The following GRM5 variants were observed in gnomAD, a reference collection of about 807,000 sequenced individuals.
GRM5 encodes glutamate metabotropic receptor 5.
In GRM5, 19 loss-of-function variants were observed where a neutral mutation model predicts 83.1. The ratio of observed to expected loss-of-function variants is 0.23; its 90% CI spans 0.16 to 0.34. GRM5 has a LOEUF of 0.34. Ranked by LOEUF, GRM5 falls within the 10% of genes least tolerant of loss-of-function variation. GRM5 has a pLI of 1.00. For synonymous variants in GRM5, 675 were observed against 633.6 expected (o/e 1.07, Z -0.98); for missense variants, 1,160 against 1,588.3 (o/e 0.73, Z 4.58).
intron 8 of GRM5, among the ~76,000 whole-genome samples, chr11:88,560,249 G>C (rs1342465400): frequency 1.3e-5 from 2 of 152,156 alleles, no homozygotes; most frequent in African/African-American, 4.8e-5. Context: ...AAAACACTTA[G>C]ATAGTTTTTC....
rs1941845994 is a variant in GRM5, at chr11:88,525,393, C to A, written c.2642G>T (p.Arg881Met). 6.2e-7 allele frequency: 1 copy of A among 1,605,276 alleles called. No individual in the cohort carries two copies. ...TTCCGACTTGTGCTGGGCCAGTCTC[C>A]TGTCTTTGTACCTGGTGAGCATGAA... ...SSGETLRYKD[R>M]RLAQHKSEIE... Residue 881 changes from arginine (R) to methionine (M), a missense_variant, in exon 9 of 10, where the codon AGG (arginine) becomes ATG (methionine). Around this residue, in one of 9 missense-constraint regions of GRM5, gnomAD observed 562 missense variants for 532.4 expected, o/e 1.06. Transcript: ENST00000305447.
At chr11:88,921,928 C>T (rs11021677) in intron 2 of GRM5, among the ~76,000 whole-genome samples, 5,767 of 136,320 alleles carry the variant, frequency 0.042, 182 homozygotes, top group African/African-American at 0.088. Flanking sequence ...CAAAAAAAAC[C>T]GTATTTCTAT....
At chr11:89,064,854 TTCTCTCTCTC>T (rs144985912) in intron 1 of GRM5, among the ~76,000 whole-genome samples, 656 of 45,916 alleles carry the variant, frequency 0.014, 3 homozygotes, top group Non-Finnish European at 0.02. Context: ...ATTTTTCATA[TTCTCTCTCTC>T]TCTCTCTCTC....
chr11:89,057,420 G>C (rs923191878), intron 1 of GRM5, among the ~76,000 whole-genome samples: 2 of 151,842 alleles, frequency 1.3e-5, no homozygotes, highest in African/African-American at 4.8e-5. Context: ...ACAAAATATA[G>C]GCCATATTTT....
At chr11:88,564,556 T>C (rs1017050234) in intron 8 of GRM5, among the ~76,000 whole-genome samples, 15 of 152,184 alleles carry the variant, frequency 9.9e-5, no homozygotes, top group Admixed American at 1.3e-4. Flanking sequence ...CAGGGCACTG[T>C]TGCCTTAATC....
At chr11:88,838,715 A>G (rs1590900187) in intron 3 of GRM5, among the ~76,000 whole-genome samples, 1 of 152,190 alleles carries the variant, frequency 6.6e-6, no homozygotes, top group African/African-American at 2.4e-5. Context: ...ATCTTGCATT[A>G]TAGTTTAACA....
intron 2 of GRM5, among the ~76,000 whole-genome samples, chr11:88,859,936 A>G (rs1944533693): frequency 6.6e-6 from 1 of 152,146 alleles, no homozygotes; most frequent in Admixed American, 6.6e-5. Flanking sequence ...AAAATACACA[A>G]CGCTTAATCA....
intron 2 of GRM5, among the ~76,000 whole-genome samples, chr11:88,894,929 A>G (rs1328302139): frequency 1.3e-5 from 2 of 151,924 alleles, no homozygotes; most frequent in African/African-American, 4.8e-5. Flanking sequence ...TGCCACCTTG[A>G]TCTTGGACTT....
chr11:88,554,996 A>C (rs1942593567), intron 8 of GRM5, among the ~76,000 whole-genome samples: 1 of 152,168 alleles, frequency 6.6e-6, no homozygotes, highest in African/African-American at 2.4e-5. Flanking sequence ...CCCACTTGAC[A>C]TATCCTCTTG....
chr11:88,989,628 A>C (rs866924979), intron 2 of GRM5, among the ~76,000 whole-genome samples: 69 of 139,542 alleles, frequency 4.9e-4, no homozygotes, highest in Middle Eastern at 6.9e-3. Flanking sequence ...TCTCCTCAGC[A>C]AATGTAAAAG....
At chr11:88,699,938 G>C (rs1940989941) in intron 3 of GRM5, among the ~76,000 whole-genome samples, 1 of 152,152 alleles carries the variant, frequency 6.6e-6, no homozygotes, top group Admixed American at 6.6e-5. Flanking sequence ...GAGATTTGAG[G>C]ATGACACTGT....
In GRM5 at chr11:88,599,346, T is replaced by C. The variant is rs116489089; in HGVS notation, c.1395-1994A>G. On this transcript the variant is annotated intron_variant, in intron 5 of 9. Coordinates refer to ENST00000305447, the MANE Select transcript of GRM5 (RefSeq NM_001143831.3). The stretch of plus-strand genomic sequence containing the variant: ...TTATAATTACATTAGAGACAATGAA[T>C]CCTCTCTTTGGAATTAGGCTTTAGA... Among the ~76,000 whole-genome samples, 1,469 of 152,316 alleles carry C rather than the reference T, an allele frequency of 9.6e-3. 17 individuals are homozygous for C. Among genetic ancestry groups the C allele is most frequent in the East Asian group, 0.065 (335 of 5,168 alleles).
intron 2 of GRM5, among the ~76,000 whole-genome samples, chr11:88,876,462 G>A (rs1413669009): frequency 6.6e-6 from 1 of 152,096 alleles, no homozygotes; most frequent in Non-Finnish European, 1.5e-5. Flanking sequence ...TAATTTGTGT[G>A]TTCACTGGAG....
intron 3 of GRM5, among the ~76,000 whole-genome samples, chr11:88,706,361 A>G (rs2135379087): frequency 6.6e-6 from 1 of 152,120 alleles, no homozygotes; most frequent in South Asian, 2.1e-4. Flanking sequence ...GTGTTCTGGC[A>G]TTTATTGCAC....
At chr11:89,064,342 G>A (rs1042608971) in intron 1 of GRM5, among the ~76,000 whole-genome samples, 1 of 152,124 alleles carries the variant, frequency 6.6e-6, no homozygotes, top group African/African-American at 2.4e-5. Flanking sequence ...AATAGCATAT[G>A]ACTTTAGGCT....
At chr11:88,799,446 A>T (rs1310658235) in intron 3 of GRM5, among the ~76,000 whole-genome samples, 1 of 152,112 alleles carries the variant, frequency 6.6e-6, no homozygotes, top group African/African-American at 2.4e-5. Context: ...TATACATGTG[A>T]TGCATTTTGA....
intron 8 of GRM5, among the ~76,000 whole-genome samples, chr11:88,539,883 T>A (rs2135129510): frequency 6.6e-6 from 1 of 152,334 alleles, no homozygotes; most frequent in African/African-American, 2.4e-5. Context: ...GGGCCTATTC[T>A]CTTCCTTCAT....
intron 3 of GRM5, among the ~76,000 whole-genome samples, chr11:88,713,553 G>A (rs953527546): frequency 5.3e-5 from 8 of 152,026 alleles, no homozygotes; most frequent in African/African-American, 1.9e-4. Context: ...CAGAAATGAT[G>A]CTGTTATATG....
At chr11:88,656,479 C>T (rs76809133) in intron 3 of GRM5, among the ~76,000 whole-genome samples, 1,540 of 152,264 alleles carry the variant, frequency 0.01, 17 homozygotes, top group East Asian at 0.065. Flanking sequence ...GAGTGGTACA[C>T]ATTTGAGACT....
Sources: gnomAD v4.1 joint callset for allele counts (sites outside exome capture counted in the v4.1 genomes callset) on GRCh38, gnomAD v4.1.1 for gene constraint, gnomAD v4.1.1 regional missense constraint, MANE v1.5 for transcripts, NCBI Gene and HGNC (gene_info 2026-07-23, HGNC 2026-07-21) for gene names.